The following BCO1 variants were observed in gnomAD, a reference collection of about 807,000 sequenced individuals.
BCO1 encodes the protein beta,beta-carotene 15,15'-dioxygenase.
Under a neutral mutation model 56.3 loss-of-function variants are expected in BCO1, and 54 were observed. That is an observed-to-expected ratio of 0.96 (90% CI 0.77 to 1.20). The LOEUF (loss-of-function observed/expected upper bound fraction) is 1.20. Ranked by LOEUF, BCO1 falls within the 50% of genes most tolerant of loss-of-function variation. The pLI is 0.00. For missense variants in BCO1, 801 were observed against 690.9 expected, an observed-to-expected ratio of 1.16 and a Z score of -1.79; for synonymous variants, 318 against 266.1, an observed-to-expected ratio of 1.20 and a Z score of -1.90.
intron 9 of BCO1, among the ~76,000 whole-genome samples, chr16:81,286,136 C>T (rs1384597666): frequency 1.3e-5 from 2 of 152,090 alleles, no homozygotes; most frequent in Non-Finnish European, 2.9e-5. Context: ...GATCCTCCTG[C>T]CTCAGCCACC....
At chr16:81,278,709 C>G (rs1017800823) in intron 7 of BCO1, among the ~76,000 whole-genome samples, 1 of 152,168 alleles carries the variant, frequency 6.6e-6, no homozygotes, top group Non-Finnish European at 1.5e-5. Context: ...GAACCAGCCT[C>G]AGGGCCTTTG....
chr16:81,287,918 T>G (rs72833344), intron 10 of BCO1, among the ~76,000 whole-genome samples: 28,129 of 152,138 alleles, frequency 0.18, 3,310 homozygotes, highest in Non-Finnish European at 0.25. Flanking sequence ...GACTCAGTCA[T>G]GTAAACATGG....
chr16:81,247,373 T>G (rs1905488369), intron 2 of BCO1, among the ~76,000 whole-genome samples: 1 of 151,938 alleles, frequency 6.6e-6, no homozygotes, highest in South Asian at 2.1e-4. Context: ...AGATTAAAAA[T>G]CACCATTGAC....
rs141547242 is a variant in BCO1, at chr16:81,259,740, C to G, written c.258C>G (p.Asn86Lys). The change falls in exon 3 of 11, where the codon AAC (asparagine) becomes AAG (lysine). Residue 86 changes from asparagine (N) to lysine (K), a missense_variant. Transcript: ENST00000258168. ...SDTYNTNIEA[N>K]RIVVSEFGTM... Reference sequence around the variant, plus strand: ...CCTACAACACCAATATTGAGGCAAACAGGATTGTGGTGTCTGAGTTTGGAA... The same window carrying G: ...CCTACAACACCAATATTGAGGCAAAGAGGATTGTGGTGTCTGAGTTTGGAA... 5.0e-6 allele frequency: 8 copies of G among 1,614,178 alleles called. No individual in the cohort carries two copies. Among genetic ancestry groups the G allele is most frequent in the East Asian group, 2.2e-5 (1 of 44,878 alleles).
chr16:81,261,043 C>G (rs552215348), intron 3 of BCO1, among the ~76,000 whole-genome samples: 15 of 152,260 alleles, frequency 9.9e-5, no homozygotes, highest in African/African-American at 3.4e-4. Context: ...AGCTCTAGGG[C>G]TAGCTCAGAG....
At chr16:81,262,562 C>A (rs1019375424) in intron 4 of BCO1, 39 of 406,694 alleles carry the variant, frequency 9.6e-5, no homozygotes, top group Admixed American at 2.1e-4. Flanking sequence ...GTGTGGTGAC[C>A]TACACCTGTA....
chr16:81,288,543 G>A (rs1052063304), intron 10 of BCO1, among the ~76,000 whole-genome samples: 3 of 152,212 alleles, frequency 2.0e-5, no homozygotes, highest in African/African-American at 7.2e-5. Context: ...GGGATTACAG[G>A]TGTGAGCCAG....
chr16:81,262,368 C>A lies in BCO1; in HGVS notation c.471+85C>A. On this transcript the variant is annotated intron_variant, in intron 4 of 10. Transcript: ENST00000258168. ...GGCCGGGGTGAGGTTGCTCAGCCTG[C>A]AAGCAGCTTACCAGGGGAGCCCCTC... 9 of 1,466,312 alleles carry A rather than the reference C, an allele frequency of 6.1e-6. 1 individual carries two copies. In the South Asian group the frequency reaches 9.2e-5, roughly 15 times the overall value. 90.8% of individuals were successfully genotyped at this position (1,466,312 alleles called of 1,614,324 possible).
chr16:81,289,191 G>T (rs1466890964), intron 10 of BCO1, among the ~76,000 whole-genome samples: 1 of 152,192 alleles, frequency 6.6e-6, no homozygotes, highest in Non-Finnish European at 1.5e-5. Context: ...GGACCCTCTG[G>T]AGGCATTGAG....
At chr16:81,270,957 G>T (rs374632554) in intron 7 of BCO1, among the ~76,000 whole-genome samples, 109 of 152,156 alleles carry the variant, frequency 7.2e-4, no homozygotes, top group African/African-American at 2.6e-3. Context: ...TGTTAGCCAG[G>T]ATGGTCTGGA....
intron 10 of BCO1, among the ~76,000 whole-genome samples, chr16:81,288,414 C>T (rs930176131): frequency 1.3e-5 from 2 of 152,154 alleles, no homozygotes. Context: ...AGGGGCACAC[C>T]ACCATGCCTA....
rs530676028 is a variant in BCO1, at chr16:81,250,578, C to CTTT, written c.193+4993_193+4995dup. On this transcript the variant is annotated intron_variant, in intron 2 of 10. Transcript: ENST00000258168. ...TTGTGTGCCTCCTTTCTCAATAAAG[C>CTTT]TTTTTTTTTTTTTTTTTTTTGAGAT... Among the ~76,000 whole-genome samples the CTTT allele has an allele frequency of 8.0e-3, 843 of 105,460 alleles. 45 individuals are homozygous for CTTT. Among genetic ancestry groups the CTTT allele is most frequent in the African/African-American group, 0.027 (717 of 26,096 alleles). 69.2% of individuals were successfully genotyped at this position (105,460 alleles called of 152,430 possible).
At chr16:81,254,977 T>A (rs138409684) in intron 2 of BCO1, among the ~76,000 whole-genome samples, 5 of 152,144 alleles carry the variant, frequency 3.3e-5, no homozygotes, top group African/African-American at 9.7e-5. Flanking sequence ...AGAGATGGGG[T>A]CTCGCCATGC....
At chr16:81,281,603 T>C (rs1907884749) in intron 8 of BCO1, among the ~76,000 whole-genome samples, 1 of 152,154 alleles carries the variant, frequency 6.6e-6, no homozygotes, top group Non-Finnish European at 1.5e-5. Context: ...AAATAGGTGT[T>C]ATCGGCCCCG....
At chr16:81,266,900 C>A (rs916873359) in intron 5 of BCO1, among the ~76,000 whole-genome samples, 3 of 152,188 alleles carry the variant, frequency 2.0e-5, no homozygotes, top group Admixed American at 6.5e-5. Flanking sequence ...CCCACAACCC[C>A]ACAGCATCCC....
chr16:81,245,349 A>G (rs1018179004), intron 1 of BCO1, 126 bp from the exon 2 acceptor site: 21 of 1,416,772 alleles, frequency 1.5e-5, no homozygotes, highest in Admixed American at 1.2e-4. Flanking sequence ...ATGACTGTAG[A>G]ATAAACGAAC....
chr16:81,280,316 C>G (rs557784468), intron 7 of BCO1, among the ~76,000 whole-genome samples: 5 of 18,066 alleles, frequency 2.8e-4, no homozygotes, highest in African/African-American at 3.8e-4. Flanking sequence ...AAATTACACA[C>G]ACACACAGAC....
At chr16:81,255,249 G>C (rs1906057968) in intron 2 of BCO1, among the ~76,000 whole-genome samples, 1 of 152,168 alleles carries the variant, frequency 6.6e-6, no homozygotes, top group South Asian at 2.1e-4. Flanking sequence ...TAGGATCTTG[G>C]TTAAGAGGGC....
intron 1 of BCO1, among the ~76,000 whole-genome samples, chr16:81,241,673 A>G (rs1905118322): frequency 6.6e-6 from 1 of 152,184 alleles, no homozygotes; most frequent in South Asian, 2.1e-4. Flanking sequence ...CCCTATTGAC[A>G]GATGGGAAAC....
Sources: allele counts gnomAD v4.1 joint callset (sites outside exome capture counted in the v4.1 genomes callset), GRCh38; gene constraint gnomAD v4.1.1; transcripts MANE v1.5; gene names NCBI Gene and HGNC (gene_info 2026-07-23, HGNC 2026-07-21).